Variants in FBXO42 observed in about 807,000 individuals in gnomAD.
FBXO42 encodes the protein F-box protein 42.
FBXO42 carries 12 observed loss-of-function variants against 71.7 expected under a neutral mutation model. The observed-to-expected ratio is 0.17, with a 90% CI of 0.11 to 0.27. The LOEUF (loss-of-function observed/expected upper bound fraction) is 0.27. FBXO42 is among the 10% of genes least tolerant of loss of function. FBXO42 has a pLI of 1.00. For synonymous variants in FBXO42, 325 were observed against 327.5 expected, an observed-to-expected ratio of 0.99 and a Z score of 0.08; for missense variants, 707 against 911.9, an observed-to-expected ratio of 0.78 and a Z score of 2.89.
In FBXO42 at chr1:16,306,699, GTTTA is replaced by G. The variant is rs1043111278; in HGVS notation, c.251-784_251-781del. On this transcript the variant is annotated intron_variant, in intron 2 of 9. Coordinates refer to ENST00000375592, the MANE Select transcript of FBXO42 (RefSeq NM_018994.3). The stretch of plus-strand genomic sequence containing the variant: ...ATTAGTTTACAATTGATTATGTTTT[GTTTA>G]TTTATTTTTTTCTTTAGACAGGGTC... Among the ~76,000 whole-genome samples the G allele has an allele frequency of 2.7e-3, 416 of 151,630 alleles. 1 individual carries two copies. Among genetic ancestry groups the G allele is most frequent in the African/African-American group, 9.5e-3 (392 of 41,104 alleles).
At chr1:16,346,641 T>C (rs1041664742) in intron 1 of FBXO42, among the ~76,000 whole-genome samples, 2 of 148,638 alleles carry the variant, frequency 1.3e-5, no homozygotes, top group Admixed American at 6.8e-5. Context: ...TGAGCCGAGA[T>C]TGCGCCACTG....
At chr1:16,262,480 G>A (rs2081725185) in intron 4 of FBXO42, among the ~76,000 whole-genome samples, 1 of 152,166 alleles carries the variant, frequency 6.6e-6, no homozygotes, top group African/African-American at 2.4e-5. Flanking sequence ...GTCAAGGCGG[G>A]TGGATCACTT....
chr1:16,322,562 C>T (rs1288576007), intron 1 of FBXO42, among the ~76,000 whole-genome samples: 3 of 151,864 alleles, frequency 2.0e-5, no homozygotes, highest in South Asian at 2.1e-4. Context: ...GGCAACAGAG[C>T]GAGACTCTGT....
chr1:16,277,204 C>T (rs142668900), intron 4 of FBXO42, among the ~76,000 whole-genome samples: 14 of 152,292 alleles, frequency 9.2e-5, no homozygotes, highest in South Asian at 4.1e-4. Flanking sequence ...TCTTGTTATA[C>T]TGTCTGATAT....
At chr1:16,312,534 G>A (rs916492094) in intron 2 of FBXO42, among the ~76,000 whole-genome samples, 1 of 152,150 alleles carries the variant, frequency 6.6e-6, no homozygotes, top group African/African-American at 2.4e-5. Context: ...GATAAACAGG[G>A]AGAGTATACA....
rs141955332 is a variant in FBXO42, at chr1:16,297,080, G to A, written c.368-2163C>T. ...CAGTCTCCCGAGTAGGTGTAACTGG[G>A]ATTACAAGCACACACCACCACACCC... On this transcript the variant is annotated intron_variant, in intron 3 of 9. Transcript: ENST00000375592. Among the ~76,000 whole-genome samples the A allele has an allele frequency of 2.4e-3, 368 of 151,956 alleles. 4 individuals are homozygous for A. The highest frequency in any genetic ancestry group is 1.5e-3 in the Non-Finnish European group (101 of 67,962).
chr1:16,254,973 G>A (rs1292527297), intron 6 of FBXO42, among the ~76,000 whole-genome samples: 1 of 151,748 alleles, frequency 6.6e-6, no homozygotes, highest in African/African-American at 2.4e-5. Context: ...CTTTACATGT[G>A]GCTCAACCAA....
chr1:16,327,116 T>C (rs2082458723), intron 1 of FBXO42, among the ~76,000 whole-genome samples: 1 of 152,204 alleles, frequency 6.6e-6, no homozygotes, highest in Non-Finnish European at 1.5e-5. Flanking sequence ...ATCTGGCACA[T>C]TAGTAGACAC....
intron 1 of FBXO42, among the ~76,000 whole-genome samples, chr1:16,322,996 A>G (rs529687633): frequency 2.6e-5 from 4 of 152,388 alleles, no homozygotes; most frequent in African/African-American, 7.2e-5. Context: ...TTTCTATTCA[A>G]CTAGACATCT....
chr1:16,289,018 C>T (rs2082051067), intron 4 of FBXO42, among the ~76,000 whole-genome samples: 2 of 151,188 alleles, frequency 1.3e-5, no homozygotes, highest in African/African-American at 2.4e-5. Flanking sequence ...TGAGTCTTGT[C>T]AATATTGATG....
At chr1:16,296,649 C>CAAAAAAAAAAAAAAAAAAA (rs58537213) in intron 3 of FBXO42, among the ~76,000 whole-genome samples, 1 of 91,336 alleles carries the variant, frequency 1.1e-5, no homozygotes, top group African/African-American at 3.9e-5. Flanking sequence ...GACTCCATCT[C>CAAAAAAAAAAAAAAAAAAA]AAAAAAAAAA....
Position 16,321,586 on chromosome 1 carries a change from AG to A in FBXO42, c.-17-6152del, listed in dbSNP as rs2082409439. ...ACTGGAATCTGAACTCCCTGGAGGC[AG>A]GACCATTGGCCTAGGCATCTTTGTC... On this transcript the variant is annotated intron_variant, in intron 1 of 9. Coordinates refer to ENST00000375592, the MANE Select transcript of FBXO42 (RefSeq NM_018994.3). Among the ~76,000 whole-genome samples the A allele has an allele frequency of 4.6e-5, 7 of 152,312 alleles. No individual in the cohort carries two copies. In the South Asian group the frequency reaches 1.4e-3, roughly 32 times the overall value.
intron 2 of FBXO42, among the ~76,000 whole-genome samples, chr1:16,309,448 A>G (rs1287101367): frequency 1.3e-5 from 2 of 152,210 alleles, no homozygotes; most frequent in Non-Finnish European, 2.9e-5. Flanking sequence ...ACATGCAAGA[A>G]AATGAATCTA....
chr1:16,297,418 G>C (rs539574791), intron 3 of FBXO42, among the ~76,000 whole-genome samples: 1 of 152,254 alleles, frequency 6.6e-6, no homozygotes, highest in African/African-American at 2.4e-5. Context: ...CAAATTATCT[G>C]ACCTCTGACA....
At chr1:16,311,112 A>G (rs1431520120) in intron 2 of FBXO42, among the ~76,000 whole-genome samples, 1 of 80,752 alleles carries the variant, frequency 1.2e-5, no homozygotes, top group Non-Finnish European at 2.9e-5. Context: ...CAGGAGGCGG[A>G]GCTTGCAATA....
chr1:16,284,634 A>AG (rs1390036430), intron 4 of FBXO42, among the ~76,000 whole-genome samples: 2 of 152,028 alleles, frequency 1.3e-5, no homozygotes, highest in Non-Finnish European at 1.5e-5. Flanking sequence ...GTTCAAGACC[A>AG]GCCTGGCCAA....
intron 4 of FBXO42, among the ~76,000 whole-genome samples, chr1:16,290,366 A>C (rs755241786): frequency 2.8e-4 from 43 of 152,242 alleles, no homozygotes; most frequent in Middle Eastern, 3.4e-3. Flanking sequence ...TGAGGTCATG[A>C]GGGTAGCCCT....
At chr1:16,308,155 T>C (rs773915137) in intron 2 of FBXO42, among the ~76,000 whole-genome samples, 2 of 152,196 alleles carry the variant, frequency 1.3e-5, no homozygotes, top group African/African-American at 2.4e-5. Context: ...CCATTCATTT[T>C]TTTTTAATAG....
At chr1:16,332,430 T>C (rs981446818) in intron 1 of FBXO42, among the ~76,000 whole-genome samples, 2 of 152,200 alleles carry the variant, frequency 1.3e-5, no homozygotes, top group African/African-American at 4.8e-5. Flanking sequence ...ATAAATGACA[T>C]TGCTATATTG....
Sources: allele counts gnomAD v4.1 joint callset (sites outside exome capture counted in the v4.1 genomes callset), GRCh38; gene constraint gnomAD v4.1.1; transcripts MANE v1.5; gene names NCBI Gene and HGNC (gene_info 2026-07-23, HGNC 2026-07-21).